Variants in PLEKHB2 observed in about 807,000 individuals in gnomAD.
The protein encoded by PLEKHB2 is pleckstrin homology domain-containing family B member 2.
A neutral mutation model predicts 36.5 loss-of-function variants in PLEKHB2; 31 were observed. That is an observed-to-expected ratio of 0.85 (90% confidence interval 0.64 to 1.15). PLEKHB2 has a LOEUF of 1.15. Among genes scored for constraint, PLEKHB2 ranks in the 50% most tolerant of loss-of-function variants. PLEKHB2 has a pLI of 0.00. For missense variants in PLEKHB2, 262 were observed against 295.3 expected (o/e 0.89, Z 0.83); for synonymous variants, 119 against 112.0 (o/e 1.06, Z -0.39).
intron 1 of PLEKHB2, among the ~76,000 whole-genome samples, chr2:131,111,925 T>C (rs997863184): frequency 6.6e-6 from 1 of 152,238 alleles, no homozygotes; most frequent in African/African-American, 2.4e-5. Context: ...CTGATTGTGG[T>C]ACTGTGAAAT....
intron 6 of PLEKHB2, among the ~76,000 whole-genome samples, chr2:131,137,060 C>T (rs916596922): frequency 1.3e-5 from 2 of 151,350 alleles, no homozygotes; most frequent in South Asian, 2.1e-4. Context: ...CATTCTTCTG[C>T]CTCAGCCTCC....
Position 131,138,079 on chromosome 2 carries a change from T to A in PLEKHB2, c.424-2088T>A, listed in dbSNP as rs1263852169. ...CTCTGTTGTGCTCTGATTGGGTAATTTCTACCCTTTATATTCATGTTTATG... is the reference window on the plus strand; with the variant it reads ...CTCTGTTGTGCTCTGATTGGGTAATATCTACCCTTTATATTCATGTTTATG... On this transcript the variant is annotated intron_variant, in intron 6 of 7. Coordinates refer to ENST00000693505, the MANE Select transcript of PLEKHB2 (RefSeq NM_001100623.2). Among the ~76,000 whole-genome samples, 3 of 151,532 alleles carry A rather than the reference T, an allele frequency of 2.0e-5. No homozygotes were observed. In the East Asian group the frequency reaches 5.8e-4, roughly 29 times the overall value.
rs140807694 is a variant in PLEKHB2 at position 131,145,740 on chromosome 2, T to A, written c.533-897T>A. ...ACTTAGCTACTAGGCATTATAGCTG[T>A]GAAGCATGGAAGAGAGCAAACAGTA... On this transcript the variant is annotated intron_variant, in intron 7 of 7. Coordinates refer to ENST00000693505, the MANE Select transcript of PLEKHB2 (RefSeq NM_001100623.2). Among the ~76,000 whole-genome samples, 820 of 152,350 alleles carry A rather than the reference T, an allele frequency of 5.4e-3. 6 individuals are homozygous for A. The highest frequency in any genetic ancestry group is 0.018 in the African/African-American group (752 of 41,584).
chr2:131,120,561 G>A (rs559604759), intron 1 of PLEKHB2: 2 of 314,032 alleles, frequency 6.4e-6, no homozygotes, highest in African/African-American at 4.3e-5. Context: ...CCTGGGCCAT[G>A]TGGACCCCAC....
At chr2:131,135,621 A>T (rs1698159426) in intron 6 of PLEKHB2, among the ~76,000 whole-genome samples, 1 of 150,818 alleles carries the variant, frequency 6.6e-6, no homozygotes, top group Non-Finnish European at 1.5e-5. Flanking sequence ...TTTTTTTTTG[A>T]GATGGAGTCT....
At chr2:131,120,726 G>A (rs557840197) in intron 1 of PLEKHB2, 18 of 632,812 alleles carry the variant, frequency 2.8e-5, no homozygotes, top group Non-Finnish European at 4.9e-5. Context: ...GGCTGAAGGC[G>A]AGTGTGGGAG....
At chr2:131,112,450 G>A (rs748022380) in intron 1 of PLEKHB2, among the ~76,000 whole-genome samples, 1 of 152,166 alleles carries the variant, frequency 6.6e-6, no homozygotes, top group Non-Finnish European at 1.5e-5. Flanking sequence ...AGGGAGATGG[G>A]GGAATTCTAA....
rs374911289 is a variant in PLEKHB2 at position 131,132,904 on chromosome 2, G to T, written c.336G>T (p.Ala112=). ...TCACCCTCTCCTGTCTCCCGCAGGC[G>T]TATGTGGGCTCTGCAGTCATGACCG... ...FTLQDSRTNT[A]YVGSAVMTDE... is the part of the protein sequence containing the mutation. Residue 112 remains alanine, a splice_region_variant and synonymous_variant, in exon 6 of 8, where the codon GCG becomes GCT. Coordinates refer to ENST00000693505, the MANE Select transcript of PLEKHB2 (RefSeq NM_001100623.2). 9.4e-6 allele frequency: 15 copies of T among 1,597,064 alleles called. No individual in the cohort carries two copies. Among genetic ancestry groups the T allele is most frequent in the African/African-American group, 6.7e-5 (5 of 74,654 alleles).
chr2:131,134,723 A>G (rs1347949303), intron 6 of PLEKHB2, among the ~76,000 whole-genome samples: 5 of 152,186 alleles, frequency 3.3e-5, no homozygotes, highest in African/African-American at 4.8e-5. Flanking sequence ...TTCCATATAC[A>G]TTAGAATAAA....
At chr2:131,106,266 C>G (rs548547628) in intron 1 of PLEKHB2, among the ~76,000 whole-genome samples, 1 of 152,198 alleles carries the variant, frequency 6.6e-6, no homozygotes, top group Non-Finnish European at 1.5e-5. Flanking sequence ...AATACTGACT[C>G]ATGGTCTCAG....
At chr2:131,133,127 C>T (rs1195978520) in intron 6 of PLEKHB2, 136 bp downstream of exon 6, 7 of 624,568 alleles carry the variant, frequency 1.1e-5, no homozygotes, top group Middle Eastern at 6.6e-4. Context: ...TTCTTATCAA[C>T]GTTTGTTTTC....
intron 1 of PLEKHB2, chr2:131,118,741 A>C (rs1181167098): frequency 6.7e-6 from 1 of 149,662 alleles, no homozygotes; most frequent in Non-Finnish European, 1.5e-5. Flanking sequence ...GGTGGCGGGC[A>C]CCTGTAGTCC....
At chr2:131,140,650 T>C (rs1040437649) in intron 7 of PLEKHB2, among the ~76,000 whole-genome samples, 1 of 152,350 alleles carries the variant, frequency 6.6e-6, no homozygotes, top group South Asian at 2.1e-4. Flanking sequence ...ACTGAGGTGA[T>C]GTTCTGTTTC....
rs1699470207 is a variant in PLEKHB2, at chr2:131,148,688, G to C, written c.*1915G>C. ...GTCTGCTTTTCTCTCTGATCCTAGG[G>C]GACTTGTTGACATGGGAGTGTCTGT... is the stretch of plus-strand genomic sequence containing the variant. On this transcript the variant is annotated 3_prime_UTR_variant, in exon 8 of 8. Coordinates refer to ENST00000693505, the MANE Select transcript of PLEKHB2 (RefSeq NM_001100623.2). 1 of 152,104 alleles carries C rather than the reference G, an allele frequency of 6.6e-6. No homozygotes were observed. Among genetic ancestry groups the C allele is most frequent in the African/African-American group, 2.4e-5 (1 of 41,410 alleles). The allele number at this position is 152,104 out of a possible 1,614,324, so 9.4% of individuals were successfully genotyped here. A position where few individuals can be genotyped will look rare whatever the true frequency, so the allele number is the denominator to read the frequency against.
At chr2:131,125,360 A>C (rs1023185631) in intron 2 of PLEKHB2, among the ~76,000 whole-genome samples, 1 of 152,238 alleles carries the variant, frequency 6.6e-6, no homozygotes, top group Non-Finnish European at 1.5e-5. Flanking sequence ...TGTGTGCTGC[A>C]TGCAGCCTGT....
chr2:131,121,847 A>C (rs1372244984), intron 2 of PLEKHB2, among the ~76,000 whole-genome samples: 1 of 151,972 alleles, frequency 6.6e-6, no homozygotes, highest in African/African-American at 2.4e-5. Context: ...TCTTTCATAC[A>C]CTGTCTGCTT....
chr2:131,133,826 C>T (rs113757737), intron 6 of PLEKHB2, among the ~76,000 whole-genome samples: 251 of 151,740 alleles, frequency 1.7e-3, no homozygotes, highest in African/African-American at 5.8e-3. Context: ...GGGAGTTTAA[C>T]GTTTTTCACT....
intron 2 of PLEKHB2, among the ~76,000 whole-genome samples, chr2:131,121,370 T>C (rs1439978462): frequency 6.6e-6 from 1 of 152,222 alleles, no homozygotes; most frequent in Non-Finnish European, 1.5e-5. Flanking sequence ...TGCCTCAGCC[T>C]CCCGAGTAGC....
chr2:131,110,634 A>C (rs899065805), intron 1 of PLEKHB2, among the ~76,000 whole-genome samples: 1 of 152,104 alleles, frequency 6.6e-6, no homozygotes, highest in East Asian at 1.9e-4. Context: ...TGGCTTCCCA[A>C]AGTGTTGGGA....
Sources: allele counts gnomAD v4.1 joint callset (sites outside exome capture counted in the v4.1 genomes callset), GRCh38; gene constraint gnomAD v4.1.1; transcripts MANE v1.5; gene names NCBI Gene and HGNC (gene_info 2026-07-23, HGNC 2026-07-21).